POLR1C: variants seen among roughly 807,000 people sequenced by gnomAD.
POLR1C encodes the protein RNA polymerase I and III subunit C, also known as DNA-directed RNA polymerases I and III subunit RPAC1.
Under a neutral mutation model 38.3 loss-of-function variants are expected in POLR1C, and 42 were observed. That is an observed-to-expected ratio of 1.10 (90% CI 0.86 to 1.42). POLR1C has a LOEUF of 1.42. Ranked by LOEUF, POLR1C falls within the 40% of genes most tolerant of loss-of-function variation. The probability of loss-of-function intolerance (pLI) is 0.00; values close to 1 mark genes in which losing one functional copy is unlikely to be tolerated. For missense variants in POLR1C, 507 were observed against 450.5 expected (o/e 1.13, Z -1.14); for synonymous variants, 163 against 163.9 (o/e 0.99, Z 0.04).
intron 8 of POLR1C, among the ~76,000 whole-genome samples, chr6:43,528,673 T>C (rs1314179576): frequency 6.6e-6 from 1 of 152,208 alleles, no homozygotes; most frequent in Non-Finnish European, 1.5e-5. Flanking sequence ...TGCTCGATCC[T>C]ACAGCAAGGA....
chr6:43,527,350 C>T (rs1478884448), intron 8 of POLR1C: 2 of 274,618 alleles, frequency 7.3e-6, no homozygotes, highest in East Asian at 8.9e-5. Context: ...CGGCTCACTG[C>T]AGCCTCCGCC....
chr6:43,525,021 G>C, downstream of POLR1C: 1 of 1,597,780 alleles, frequency 6.3e-7, no homozygotes. Context: ...CAAGGCCTCA[G>C]CACCCCAGTT....
At position 43,527,475 on chromosome 6, in the gene POLR1C, T is replaced by C. The variant is rs528710089; in HGVS notation, c.923-1774T>C. On this transcript the variant is annotated intron_variant, in intron 8 of 8. Transcript: ENST00000304004. ...TATTAGTAGAGACAGGGTTTCACCA[T>C]GTTGGCCAGGATGGTCTTGATCTTT... 9 of 657,972 alleles carry C rather than the reference T, an allele frequency of 1.4e-5. No homozygotes were observed. The Admixed American group carries it at 1.4e-4, about 10-fold the overall frequency. 40.8% of individuals were successfully genotyped at this position (657,972 alleles called of 1,614,324 possible).
At chr6:43,528,955 C>T (rs746258057) in intron 8 of POLR1C, 2 of 1,588,518 alleles carry the variant, frequency 1.3e-6, no homozygotes, top group Non-Finnish European at 1.7e-6. Context: ...AATTTTAGTG[C>T]ATAGGCACAC....
At chr6:43,548,022 C>T (rs1483394897) in intron 9 of POLR1C, among the ~76,000 whole-genome samples, 1 of 152,148 alleles carries the variant, frequency 6.6e-6, no homozygotes, top group Non-Finnish European at 1.5e-5. Context: ...TCTCATTTTT[C>T]TAAATGTGCT....
chr6:43,562,183 A>C, exon 11 of POLR1C: 1 of 1,363,388 alleles, frequency 7.3e-7, no homozygotes, highest in South Asian at 1.3e-5. Flanking sequence ...TCATTGAAAC[A>C]TAAGTTTCTA....
At position 43,526,703 on chromosome 6, in the gene POLR1C, G is replaced by T. The variant is rs772977694; in HGVS notation, c.923-2546G>T. 4 of 1,613,812 alleles carry T rather than the reference G, an allele frequency of 2.5e-6. No homozygotes were observed. The African/African-American group carries it at 5.3e-5, about 22-fold the overall frequency. ...CACTTACCGTCTCCATCTGCTGGGG[G>T]AGCACTACTGTGGTCAGCACCCTTC... On this transcript the variant is annotated intron_variant, in intron 8 of 8. Coordinates refer to the POLR1C transcript ENST00000304004.
intron 10 of POLR1C, chr6:43,553,510 AACACACACACAC>A (rs749301680): frequency 1.5e-5 from 23 of 1,503,438 alleles, no homozygotes; most frequent in Admixed American, 4.1e-5. Flanking sequence ...CAAGCTTTAA[AACACACACACAC>A]ACATACACAC....
chr6:43,535,301 T>C (rs1228695665), intron 9 of POLR1C, among the ~76,000 whole-genome samples: 2 of 148,630 alleles, frequency 1.3e-5, no homozygotes, highest in Non-Finnish European at 3.0e-5. Context: ...AACAGAAGTG[T>C]TTCTATGGCT....
intron 9 of POLR1C, among the ~76,000 whole-genome samples, chr6:43,537,124 A>G (rs115875535): frequency 0.012 from 1,724 of 148,128 alleles, 35 homozygotes; most frequent in African/African-American, 0.04. Context: ...GCACCACCAC[A>G]CGTGAATAAT....
intron 2 of POLR1C, 187 bp from the exon 3 acceptor site, chr6:43,519,146 C>A (rs1239827031): frequency 4.7e-6 from 3 of 639,120 alleles, no homozygotes; most frequent in African/African-American, 3.6e-5. Context: ...GAATGGACGA[C>A]AAAAATGGAG....
chr6:43,541,384 ATATG>A (rs1261531182), intron 9 of POLR1C, among the ~76,000 whole-genome samples: 1 of 152,382 alleles, frequency 6.6e-6, no homozygotes, highest in Middle Eastern at 3.4e-3. Context: ...CCCCATAAAT[ATATG>A]TATGTACTGT....
At chr6:43,550,578 G>C (rs1384436486) in intron 9 of POLR1C, among the ~76,000 whole-genome samples, 1 of 152,124 alleles carries the variant, frequency 6.6e-6, no homozygotes, top group Non-Finnish European at 1.5e-5. Context: ...AATCACTTCA[G>C]TAAGACTTCA....
chr6:43,531,162 G>A (rs1793951152), downstream of POLR1C, among the ~76,000 whole-genome samples: 1 of 152,210 alleles, frequency 6.6e-6, no homozygotes, highest in South Asian at 2.1e-4. Flanking sequence ...CCTATGAGAA[G>A]TATGCCGCAA....
chr6:43,532,943 G>A (rs1794074683), downstream of POLR1C, among the ~76,000 whole-genome samples: 1 of 152,086 alleles, frequency 6.6e-6, no homozygotes, highest in African/African-American at 2.4e-5. Flanking sequence ...TCATGAGTTC[G>A]AGACCAGCCT....
In POLR1C at chr6:43,540,127, C is replaced by T. The variant is rs181578412; in HGVS notation, c.*4+10768C>T. On this transcript the variant is annotated intron_variant, in intron 9 of 10. Coordinates refer to the POLR1C transcript ENST00000607635. The stretch of plus-strand genomic sequence containing the variant: ...AAAATTAGCTGGGCATGGTGGCGCA[C>T]GCCTGTAACCCCAGTACTTTGAGAG... Among the ~76,000 whole-genome samples the T allele has an allele frequency of 2.0e-3, 303 of 152,190 alleles. 2 individuals carry two copies. Among genetic ancestry groups the T allele is most frequent in the African/African-American group, 6.8e-3 (284 of 41,516 alleles).
At chr6:43,528,468 T>TCC (rs568828536) in intron 8 of POLR1C, among the ~76,000 whole-genome samples, 96 of 152,278 alleles carry the variant, frequency 6.3e-4, no homozygotes, top group African/African-American at 2.2e-3. Context: ...CCTGGGTCTC[T>TCC]AGACATACCT....
intron 10 of POLR1C, among the ~76,000 whole-genome samples, chr6:43,556,749 C>CA (rs1762111141): frequency 6.6e-6 from 1 of 151,664 alleles, no homozygotes; most frequent in Non-Finnish European, 1.5e-5. Flanking sequence ...TTGTAATAGC[C>CA]AAAAAATGGA....
chr6:43,524,755 G>T, downstream of POLR1C: 1 of 1,592,656 alleles, frequency 6.3e-7, no homozygotes, highest in Non-Finnish European at 8.6e-7. Context: ...CTGAATTTAG[G>T]ATAAGGCCCA....
Sources: gnomAD v4.1 joint callset for allele counts (sites outside exome capture counted in the v4.1 genomes callset) on GRCh38, gnomAD v4.1.1 for gene constraint, MANE v1.5 for transcripts, NCBI Gene and HGNC (gene_info 2026-07-23, HGNC 2026-07-21) for gene names.